SLC25A21: variants seen among roughly 807,000 people sequenced by gnomAD.
SLC25A21 encodes mitochondrial 2-oxodicarboxylate carrier.
Under a neutral mutation model 43.8 loss-of-function variants are expected in SLC25A21, and 47 were observed. The ratio of observed to expected loss-of-function variants is 1.07; its 90% CI spans 0.85 to 1.37. The LOEUF is 1.37. SLC25A21 is among the 40% of genes most tolerant of loss of function. The pLI is 0.00. For synonymous variants in SLC25A21, 131 were observed against 121.3 expected, an observed-to-expected ratio of 1.08 and a Z score of -0.52; for missense variants, 352 against 350.2, an observed-to-expected ratio of 1.00 and a Z score of -0.04.
At chr14:36,955,623 C>T (rs1213658062) in intron 1 of SLC25A21, among the ~76,000 whole-genome samples, 1 of 152,066 alleles carries the variant, frequency 6.6e-6, no homozygotes, top group East Asian at 1.9e-4. Flanking sequence ...GATGACAAAC[C>T]AAGATTAAAG....
intron 1 of SLC25A21, among the ~76,000 whole-genome samples, chr14:37,161,974 A>AAT (rs1963950798): frequency 6.6e-6 from 1 of 150,792 alleles, no homozygotes; most frequent in East Asian, 1.9e-4. Context: ...AAAAAAAAAA[A>AAT]AAAAAAAAAG....
intron 1 of SLC25A21, among the ~76,000 whole-genome samples, chr14:36,987,302 C>T (rs1020188374): frequency 1.3e-5 from 2 of 152,092 alleles, no homozygotes; most frequent in African/African-American, 4.8e-5. Context: ...TCTACAATCC[C>T]TAGTTTATTT....
chr14:37,085,363 C>A (rs921120165), intron 1 of SLC25A21, among the ~76,000 whole-genome samples: 6 of 152,188 alleles, frequency 3.9e-5, no homozygotes, highest in Non-Finnish European at 1.5e-5. Flanking sequence ...GTCTTGCTCA[C>A]CCCTGTATCC....
chr14:36,897,260 A>G (rs1186692135), intron 1 of SLC25A21, among the ~76,000 whole-genome samples: 1 of 151,490 alleles, frequency 6.6e-6, no homozygotes, highest in Admixed American at 6.6e-5. Flanking sequence ...TTTTCTCTAA[A>G]CTTCTCTTCT....
At chr14:36,784,598 G>A (rs78152506) in intron 3 of SLC25A21, among the ~76,000 whole-genome samples, 5 of 152,176 alleles carry the variant, frequency 3.3e-5, no homozygotes, top group Non-Finnish European at 7.3e-5. Flanking sequence ...CCCTAGATTA[G>A]AGCACATCTC....
chr14:36,812,255 T>C (rs559946232), intron 3 of SLC25A21, among the ~76,000 whole-genome samples: 4 of 152,244 alleles, frequency 2.6e-5, no homozygotes, highest in Non-Finnish European at 4.4e-5. Flanking sequence ...GTGACAGATA[T>C]ATCAAATAAT....
intron 3 of SLC25A21, among the ~76,000 whole-genome samples, chr14:36,735,218 G>A (rs17105169): frequency 0.017 from 2,549 of 152,264 alleles, 67 homozygotes; most frequent in African/African-American, 0.058. Context: ...GCATGAGCCA[G>A]TTTACTTTGC....
chr14:36,755,420 C>T (rs1479960334), intron 3 of SLC25A21, among the ~76,000 whole-genome samples: 1 of 152,202 alleles, frequency 6.6e-6, no homozygotes, highest in African/African-American at 2.4e-5. Context: ...TACACACTCA[C>T]AGGCAAGGTG....
At chr14:37,015,503 C>T (rs949339442) in intron 1 of SLC25A21, among the ~76,000 whole-genome samples, 8 of 151,910 alleles carry the variant, frequency 5.3e-5, no homozygotes, top group East Asian at 3.9e-4. Flanking sequence ...AATAGACATA[C>T]GTGTGCATGT....
intron 3 of SLC25A21, among the ~76,000 whole-genome samples, chr14:36,776,238 C>T (rs28367377): frequency 0.34 from 30,115 of 89,244 alleles, 8,040 homozygotes; most frequent in East Asian, 0.59. Flanking sequence ...TTCTTTCTTT[C>T]TTTTTTTTTT....
rs377435264 is a variant in SLC25A21, at chr14:36,759,917, G to A, written c.204-25344C>T. ...CAGGAGGCGGAGATTGCAGTGAGCC[G>A]AGATCACGTCACTGCACTCCAGCCT... On this transcript the variant is annotated intron_variant, in intron 3 of 9. Coordinates refer to ENST00000331299, the MANE Select transcript of SLC25A21 (RefSeq NM_030631.4). Among the ~76,000 whole-genome samples, 505 of 152,210 alleles carry A rather than the reference G, an allele frequency of 3.3e-3. 2 individuals carry two copies. Among genetic ancestry groups the A allele is most frequent in the African/African-American group, 0.011 (459 of 41,538 alleles).
At chr14:36,786,457 A>G (rs900262910) in intron 3 of SLC25A21, among the ~76,000 whole-genome samples, 1 of 152,264 alleles carries the variant, frequency 6.6e-6, no homozygotes. Flanking sequence ...AGGCCCATTT[A>G]GAACAGGCCA....
chr14:36,801,227 G>A (rs1308919845), intron 3 of SLC25A21, among the ~76,000 whole-genome samples: 3 of 152,102 alleles, frequency 2.0e-5, no homozygotes, highest in African/African-American at 7.2e-5. Flanking sequence ...CCAACTGCTG[G>A]AGTTTTTCCC....
chr14:37,021,266 G>T (rs1224571788), intron 1 of SLC25A21, among the ~76,000 whole-genome samples: 1 of 151,956 alleles, frequency 6.6e-6, no homozygotes, highest in Non-Finnish European at 1.5e-5. Flanking sequence ...GCCAGAGGGA[G>T]TGGGGAGTGG....
intron 1 of SLC25A21, among the ~76,000 whole-genome samples, chr14:36,983,774 G>A (rs59419380): frequency 2.3e-3 from 355 of 151,886 alleles, no homozygotes; most frequent in African/African-American, 8.2e-3. Context: ...AAAACGTGTG[G>A]TATATATATA....
intron 1 of SLC25A21, among the ~76,000 whole-genome samples, chr14:37,118,826 G>A (rs1016255817): frequency 2.0e-5 from 3 of 151,706 alleles, no homozygotes; most frequent in Admixed American, 2.0e-4. Flanking sequence ...TTTTTCAGAG[G>A]CATTTGAACC....
At chr14:36,889,228 G>GC (rs1277329921) in intron 1 of SLC25A21, among the ~76,000 whole-genome samples, 1 of 152,172 alleles carries the variant, frequency 6.6e-6, no homozygotes, top group African/African-American at 2.4e-5. Context: ...TTTATAGGCA[G>GC]CCATATAGTT....
intron 1 of SLC25A21, among the ~76,000 whole-genome samples, chr14:36,877,814 A>C (rs1364269009): frequency 6.6e-6 from 1 of 152,168 alleles, no homozygotes; most frequent in Non-Finnish European, 1.5e-5. Context: ...GCAAGAGATG[A>C]GGCTGGAAGT....
chr14:36,884,710 G>A (rs1337535079), intron 1 of SLC25A21, among the ~76,000 whole-genome samples: 1 of 152,038 alleles, frequency 6.6e-6, no homozygotes, highest in Non-Finnish European at 1.5e-5. Flanking sequence ...GTTTTAATTT[G>A]CATTTCTCTG....
Sources: gnomAD v4.1 joint callset for allele counts (sites outside exome capture counted in the v4.1 genomes callset) on GRCh38, gnomAD v4.1.1 for gene constraint, MANE v1.5 for transcripts, NCBI Gene and HGNC (gene_info 2026-07-23, HGNC 2026-07-21) for gene names.